The following AKAP7 variants were observed in gnomAD, a reference collection of about 807,000 sequenced individuals.
AKAP7 encodes A-kinase anchoring protein 7, also known as A kinase (PRKA) anchor protein 7.
Under a neutral mutation model 39.5 loss-of-function variants are expected in AKAP7, and 39 were observed. That is an observed-to-expected ratio of 0.99 (90% CI 0.76 to 1.29). The LOEUF is 1.29. AKAP7 is among the 50% of genes most tolerant of loss of function. The pLI, the probability that AKAP7 is intolerant of heterozygous loss-of-function variation, is 0.00. For synonymous variants in AKAP7, 140 were observed against 139.1 expected, an observed-to-expected ratio of 1.01 and a Z score of -0.05; for missense variants, 414 against 407.7, an observed-to-expected ratio of 1.02 and a Z score of -0.13.
intron 7 of AKAP7, among the ~76,000 whole-genome samples, chr6:131,277,424 C>T (rs891905714): frequency 3.9e-5 from 6 of 152,114 alleles, no homozygotes; most frequent in Admixed American, 6.5e-5. Flanking sequence ...ATTGGCAATA[C>T]TTTTTATATG....
At chr6:131,152,826 CAAAA>C (rs759814910) in intron 2 of AKAP7, among the ~76,000 whole-genome samples, 3 of 39,056 alleles carry the variant, frequency 7.7e-5, no homozygotes, top group African/African-American at 1.0e-4. Context: ...GACTCCATCT[CAAAA>C]AAAAAAAAAA....
chr6:131,183,149 G>GA (rs1367014287), intron 5 of AKAP7, among the ~76,000 whole-genome samples: 4 of 151,826 alleles, frequency 2.6e-5, no homozygotes, highest in South Asian at 2.1e-4. Context: ...CTAACGAAAG[G>GA]AAAAAAAAGA....
rs80102123 is a variant in AKAP7, at chr6:131,190,599, T to C, written c.590-8862T>C. Among the ~76,000 whole-genome samples the C allele has an allele frequency of 1.5e-4, 22 of 151,694 alleles. No homozygotes were observed. The South Asian group carries it at 2.1e-3, about 14-fold the overall frequency. ...GGTGGAGGTTGCAGTGAGCTGAGAT[T>C]GTACCATTGCAATACAGCCTGGGTG... is the stretch of plus-strand genomic sequence containing the variant. On this transcript the variant is annotated intron_variant, in intron 5 of 7. Coordinates refer to ENST00000431975, the MANE Select transcript of AKAP7 (RefSeq NM_016377.4).
At chr6:131,224,709 G>T (rs1585125128) in intron 7 of AKAP7, among the ~76,000 whole-genome samples, 1 of 97,326 alleles carries the variant, frequency 1.0e-5, no homozygotes, top group Non-Finnish European at 1.9e-5. Flanking sequence ...TGCTACGTTT[G>T]TAAAGTTTCC....
intron 7 of AKAP7, among the ~76,000 whole-genome samples, chr6:131,244,276 C>T (rs1187568137): frequency 6.6e-6 from 1 of 152,136 alleles, no homozygotes; most frequent in Admixed American, 6.5e-5. Context: ...ATGGGGAGCT[C>T]GTACCCTCCT....
chr6:131,137,979 T>C (rs1800715384), intron 1 of AKAP7, among the ~76,000 whole-genome samples: 2 of 152,192 alleles, frequency 1.3e-5, no homozygotes, highest in Non-Finnish European at 2.9e-5. Flanking sequence ...GTTAGCTTTT[T>C]TCTGTCATTG....
chr6:131,183,241 C>T (rs1805458288), intron 5 of AKAP7, among the ~76,000 whole-genome samples: 1 of 152,122 alleles, frequency 6.6e-6, no homozygotes. Flanking sequence ...ATGCACTGGC[C>T]CCCCACTACT....
intron 6 of AKAP7, among the ~76,000 whole-genome samples, chr6:131,214,671 AC>A (rs1808980237): frequency 6.6e-6 from 1 of 152,188 alleles, no homozygotes; most frequent in African/African-American, 2.4e-5. Flanking sequence ...ATTTACTGTG[AC>A]CTGTACATAT....
intron 7 of AKAP7, among the ~76,000 whole-genome samples, chr6:131,274,940 C>A (rs1814618012): frequency 6.6e-6 from 1 of 152,100 alleles, no homozygotes; most frequent in South Asian, 2.1e-4. Flanking sequence ...TAAAACTTAC[C>A]TTTTTATCCC....
intron 7 of AKAP7, among the ~76,000 whole-genome samples, chr6:131,226,011 C>T (rs189061386): frequency 3.9e-5 from 6 of 152,288 alleles, no homozygotes; most frequent in African/African-American, 9.6e-5. Context: ...TGGATTTCCA[C>T]CTTCTTCTGA....
chr6:131,201,739 G>C (rs1807587545), intron 6 of AKAP7, among the ~76,000 whole-genome samples: 1 of 152,138 alleles, frequency 6.6e-6, no homozygotes, highest in South Asian at 2.1e-4. Flanking sequence ...TAATGTTTAA[G>C]TCTTTAATCC....
At chr6:131,238,087 G>A (rs1188893707) in intron 7 of AKAP7, among the ~76,000 whole-genome samples, 3 of 152,122 alleles carry the variant, frequency 2.0e-5, no homozygotes, top group Admixed American at 2.0e-4. Context: ...ATGTGTCCCA[G>A]AGATTCTGGT....
chr6:131,213,108 A>G (rs1808826046), intron 6 of AKAP7, among the ~76,000 whole-genome samples: 1 of 152,228 alleles, frequency 6.6e-6, no homozygotes, highest in Admixed American at 6.5e-5. Flanking sequence ...TCTAAGCTAT[A>G]AAAGCACAAC....
intron 3 of AKAP7, among the ~76,000 whole-genome samples, chr6:131,162,609 C>A (rs1803085614): frequency 6.6e-6 from 1 of 152,186 alleles, no homozygotes; most frequent in Non-Finnish European, 1.5e-5. Flanking sequence ...TAAAGACAAC[C>A]TCTTTTCCAT....
chr6:131,260,577 A>G (rs150834493), intron 7 of AKAP7, among the ~76,000 whole-genome samples: 4 of 152,048 alleles, frequency 2.6e-5, no homozygotes, highest in Admixed American at 2.6e-4. Flanking sequence ...TTTTTCATAT[A>G]TTTGTTGGCT....
At chr6:131,184,512 A>G in intron 5 of AKAP7, 1 of 694,852 alleles carries the variant, frequency 1.4e-6, no homozygotes, top group East Asian at 2.8e-5. Flanking sequence ...CAGATATCGC[A>G]ACATTTGTGC....
chr6:131,179,015 C>T (rs1040106429), intron 5 of AKAP7, among the ~76,000 whole-genome samples: 5 of 151,988 alleles, frequency 3.3e-5, no homozygotes, highest in African/African-American at 1.2e-4. Flanking sequence ...CTGCTTAGAC[C>T]TTTTCATTCT....
In AKAP7 at chr6:131,145,286, A is replaced by G. The variant is rs774500106; in HGVS notation, c.21A>G (p.Gly7=). 3.4e-6 allele frequency: 5 copies of G among 1,491,776 alleles called. No individual in the cohort carries two copies. The South Asian group carries it at 5.5e-5, about 16-fold the overall frequency. The allele number at this position is 1,491,776 out of a possible 1,614,324, so 92.4% of individuals were successfully genotyped here. A position where few individuals can be genotyped will look rare whatever the true frequency, so the allele number is the denominator to read the frequency against. MERPEA[G]GINSNECENV... The stretch of plus-strand genomic sequence containing the variant: ...TTTTCTGTTTGTGATATGTTAAAGG[A>G]GGAATTAATTCCAATGAGTGTGAAA... The change falls in exon 2 of 8, where the codon GGA becomes GGG. Residue 7 remains glycine (G), a splice_region_variant and synonymous_variant. Coordinates refer to ENST00000431975, the MANE Select transcript of AKAP7 (RefSeq NM_016377.4).
chr6:131,189,309 G>A (rs1806176529), intron 5 of AKAP7, among the ~76,000 whole-genome samples: 1 of 152,198 alleles, frequency 6.6e-6, no homozygotes, highest in Non-Finnish European at 1.5e-5. Flanking sequence ...AGGATTATCT[G>A]TATAAGTTTA....
Sources: gnomAD v4.1 joint callset for allele counts (sites outside exome capture counted in the v4.1 genomes callset) on GRCh38, gnomAD v4.1.1 for gene constraint, MANE v1.5 for transcripts, NCBI Gene and HGNC (gene_info 2026-07-23, HGNC 2026-07-21) for gene names.